Variants in IQGAP3 observed in about 807,000 individuals in gnomAD.
IQGAP3 encodes ras GTPase-activating-like protein IQGAP3.
A neutral mutation model predicts 208.2 loss-of-function variants in IQGAP3; 165 were observed. The observed-to-expected ratio is 0.79, with a 90% CI of 0.70 to 0.90. IQGAP3 has a LOEUF of 0.90. IQGAP3 is among the 40% of genes least tolerant of loss of function. The probability of loss-of-function intolerance (pLI) is 0.00; values close to 1 mark genes in which losing one functional copy is unlikely to be tolerated. For missense variants in IQGAP3, 1,811 were observed against 2,043.1 expected (o/e 0.89, Z 2.19); for synonymous variants, 703 against 803.6 (o/e 0.87, Z 2.12).
Position 156,556,656 on chromosome 1 carries a change from C to T in IQGAP3, c.1167G>A (p.Arg389=). ...TCACAGTGTCAGCCGCCACTCTCCTCCGGATGGCTTTGTTGATCCGCTGCA... is the reference window on the plus strand; with the variant it reads ...TCACAGTGTCAGCCGCCACTCTCCTTCGGATGGCTTTGTTGATCCGCTGCA... ...HAVQRINKAI[R]RRVAADTVKE... The change falls in exon 12 of 38, where the codon CGG becomes CGA. Residue 389 remains arginine (R), a synonymous_variant. Coordinates refer to ENST00000361170, the MANE Select transcript of IQGAP3 (RefSeq NM_178229.5). The T allele has an allele frequency of 6.2e-7, 1 of 1,604,700 alleles. No individual in the cohort carries two copies. The highest frequency in any genetic ancestry group is 1.1e-5 in the South Asian group (1 of 90,220).
intron 32 of IQGAP3, 107 bp downstream of exon 32, chr1:156,532,873 A>G: frequency 8.2e-7 from 1 of 1,220,372 alleles, no homozygotes; most frequent in Non-Finnish European, 1.2e-6. Flanking sequence ...CTGAAGGATA[A>G]GGGAGCCCAG....
intron 32 of IQGAP3, among the ~76,000 whole-genome samples, chr1:156,532,563 T>C (rs959449160): frequency 6.6e-6 from 1 of 152,096 alleles, no homozygotes; most frequent in Admixed American, 6.5e-5. Context: ...AAAAAGCATT[T>C]GGGCCAGGCG....
intron 2 of IQGAP3, 128 bp downstream of exon 2, chr1:156,569,248 C>G: frequency 1.7e-6 from 1 of 596,828 alleles, no homozygotes; most frequent in Middle Eastern, 4.7e-4. Flanking sequence ...AATTAAAAAG[C>G]TATTTCAACT....
At chr1:156,548,557 G>A (rs756118108) in intron 17 of IQGAP3, 24 bp downstream of exon 17, 1 of 1,598,450 alleles carries the variant, frequency 6.3e-7, no homozygotes, top group Non-Finnish European at 8.6e-7. Context: ...GCAGCGAAGA[G>A]GAGGGTCAGG....
chr1:156,535,176 C>T lies in IQGAP3; in HGVS notation c.3494G>A (p.Ser1165Asn), dbSNP rs569013525. The T allele has an allele frequency of 2.9e-5, 46 of 1,613,352 alleles. No individual in the cohort carries two copies. Among genetic ancestry groups the T allele is most frequent in the Admixed American group, 2.2e-4 (13 of 59,958 alleles). The change falls in exon 28 of 38, where the codon AGC (serine) becomes AAC (asparagine). Residue 1165 changes from serine to asparagine, a missense_variant. Ser to Asn is a conservative substitution (Grantham distance 46, BLOSUM62 1). Transcript: ENST00000361170. The part of the protein sequence containing the change: ...LAEKFPDATD[S>N]EVYKVVGNLL... ...GACAACACTTGCCTTATAGACCTCG[C>T]TGTCTGTGGCGTCAGGGAATTTCTC...
At chr1:156,570,116 T>C (rs1474367004) in intron 1 of IQGAP3, among the ~76,000 whole-genome samples, 1 of 152,228 alleles carries the variant, frequency 6.6e-6, no homozygotes, top group East Asian at 1.9e-4. Flanking sequence ...TGGACCTGTG[T>C]CATCCTCGTT....
At chr1:156,526,643 T>TGTG in intron 37 of IQGAP3, 44 bp from the exon 38 acceptor site, 6 of 1,344,262 alleles carry the variant, frequency 4.5e-6, no homozygotes, top group Non-Finnish European at 6.4e-6. Context: ...GGCTTCTGAA[T>TGTG]GTGGTCCAGT....
At position 156,550,340 on chromosome 1, in the gene IQGAP3, A is replaced by T. The variant is rs1271524488; in HGVS notation, c.1746T>A (p.Asp582Glu). Reference sequence around the variant, plus strand: ...CCTCAAGCCACAGCACAGCTCCAGGATCCCCTGTCACCTGGCAGATTGAGG... The same window carrying T: ...CCTCAAGCCACAGCACAGCTCCAGGTTCCCCTGTCACCTGGCAGATTGAGG... ...AKRQKAQVTG[D>E]PGAVLWLEEI... Residue 582 changes from aspartate to glutamate, a missense_variant, in exon 16 of 38, where the codon GAT (aspartate) becomes GAA (glutamate). Physicochemically the swap from Asp to Glu is conservative, Grantham distance 45. Transcript: ENST00000361170. 21 of 1,613,440 alleles carry T rather than the reference A, an allele frequency of 1.3e-5. No homozygotes were observed. Among genetic ancestry groups the T allele is most frequent in the Non-Finnish European group, 1.8e-5 (21 of 1,179,544 alleles).
At chr1:156,560,894 G>C in intron 11 of IQGAP3, 40 bp downstream of exon 11, 1 of 1,351,732 alleles carries the variant, frequency 7.4e-7, no homozygotes, top group East Asian at 2.3e-5. Flanking sequence ...AAGAGTCAGA[G>C]ATACGCACAG....
chr1:156,542,188 TC>T (rs2102386703), intron 22 of IQGAP3, among the ~76,000 whole-genome samples: 1 of 152,266 alleles, frequency 6.6e-6, no homozygotes, highest in South Asian at 2.1e-4. Flanking sequence ...GGGGAACAAA[TC>T]TTTTTTTATT....
intron 26 of IQGAP3, among the ~76,000 whole-genome samples, chr1:156,537,878 C>T (rs74116873): frequency 0.081 from 12,364 of 152,022 alleles, 569 homozygotes; most frequent in Middle Eastern, 0.12. Flanking sequence ...AGTCCATATC[C>T]TAACTCCCAG....
At chr1:156,572,232 G>T (rs1676678959) in intron 1 of IQGAP3, among the ~76,000 whole-genome samples, 1 of 152,190 alleles carries the variant, frequency 6.6e-6, no homozygotes, top group Non-Finnish European at 1.5e-5. Context: ...TCCCGACTCC[G>T]GAACCCCAGA....
intron 11 of IQGAP3, among the ~76,000 whole-genome samples, chr1:156,559,566 G>A (rs1571356055): frequency 1.3e-5 from 2 of 152,366 alleles, no homozygotes; most frequent in African/African-American, 4.8e-5. Flanking sequence ...CAGAGCAGGG[G>A]AGGAGGGATT....
intron 9 of IQGAP3, among the ~76,000 whole-genome samples, 200 bp downstream of exon 9, chr1:156,562,387 G>A (rs763064611): frequency 1.3e-5 from 2 of 151,848 alleles, no homozygotes; most frequent in East Asian, 1.9e-4. Flanking sequence ...GAAGCTTCCC[G>A]GACATGGACT....
chr1:156,546,793 A>G (rs1023971790), intron 19 of IQGAP3, among the ~76,000 whole-genome samples: 1 of 151,816 alleles, frequency 6.6e-6, no homozygotes, highest in African/African-American at 2.4e-5. Flanking sequence ...GCTCTCAATT[A>G]CCCCCCAACA....
chr1:156,563,550 T>C lies in IQGAP3; in HGVS notation c.619+3A>G. 1 of 1,611,370 alleles carries C rather than the reference T, an allele frequency of 6.2e-7. No homozygotes were observed. The highest frequency in any genetic ancestry group is 8.5e-7 in the Non-Finnish European group (1 of 1,178,106). Reference sequence around the variant, plus strand: ...TCCTGGCAGGGCAGAGCCTAGTCCTTACCTGCAGCCTCATCCACCGAGAGC... The same window carrying C: ...TCCTGGCAGGGCAGAGCCTAGTCCTCACCTGCAGCCTCATCCACCGAGAGC... On this transcript the variant is annotated splice_donor_region_variant and intron_variant, in intron 7 of 37. Transcript: ENST00000361170.
At chr1:156,544,979 C>A (rs1018026816) in intron 19 of IQGAP3, among the ~76,000 whole-genome samples, 6 of 152,158 alleles carry the variant, frequency 3.9e-5, no homozygotes, top group Admixed American at 2.0e-4. Context: ...GGCACAGAGC[C>A]GTGTGCTCAC....
At chr1:156,532,710 G>A (rs1404645800) in intron 32 of IQGAP3, among the ~76,000 whole-genome samples, 1 of 152,132 alleles carries the variant, frequency 6.6e-6, no homozygotes. Context: ...AAAGCATTTG[G>A]TAAACAGCAC....
chr1:156,529,130 A>T, intron 34 of IQGAP3, 48 bp from the exon 35 acceptor site: 1 of 1,601,764 alleles, frequency 6.2e-7, no homozygotes. Context: ...TCCTGGCAGG[A>T]GAGCCTTAGG....
Sources: gnomAD v4.1 joint callset for allele counts (sites outside exome capture counted in the v4.1 genomes callset) on GRCh38, gnomAD v4.1.1 for gene constraint, MANE v1.5 for transcripts, NCBI Gene and HGNC (gene_info 2026-07-23, HGNC 2026-07-21) for gene names.